Variants in PRPSAP2 observed in about 807,000 individuals in gnomAD.
The protein encoded by PRPSAP2 is phosphoribosyl pyrophosphate synthase-associated protein 2.
PRPSAP2 carries 24 observed loss-of-function variants against 40.6 expected under a neutral mutation model. The observed-to-expected ratio is 0.59, with a 90% CI of 0.43 to 0.83. PRPSAP2 has a LOEUF of 0.83. Ranked by LOEUF, PRPSAP2 falls within the 40% of genes least tolerant of loss-of-function variation. PRPSAP2 has a pLI of 0.00. For synonymous variants in PRPSAP2, 149 were observed against 164.7 expected (o/e 0.90, Z 0.73); for missense variants, 292 against 465.6 (o/e 0.63, Z 3.43).
chr17:18,900,075 T>TG (rs1379418307), intron 8 of PRPSAP2, among the ~76,000 whole-genome samples: 2 of 151,860 alleles, frequency 1.3e-5, no homozygotes, highest in African/African-American at 4.8e-5. Flanking sequence ...TTAGTAGAGA[T>TG]GGGGTTTCAC....
At chr17:18,886,987 A>G (rs1389602534) in intron 7 of PRPSAP2, among the ~76,000 whole-genome samples, 5 of 115,886 alleles carry the variant, frequency 4.3e-5, no homozygotes, top group Non-Finnish European at 8.1e-5. Context: ...CCCAGGCTGG[A>G]GTGCAGTGGC....
At position 18,923,762 on chromosome 17, in the gene PRPSAP2, G is replaced by A. The variant is rs550290917; in HGVS notation, c.734-152G>A. ...TCGGCCATAAAGTATCAAGTTAGCT[G>A]TGGGTTTTTGTAGTTGCCCTTAATC... is the stretch of plus-strand genomic sequence containing the variant. On this transcript the variant is annotated intron_variant, in intron 9 of 11. Coordinates refer to ENST00000268835, the MANE Select transcript of PRPSAP2 (RefSeq NM_002767.4). 5.5e-5 allele frequency: 37 copies of A among 668,254 alleles called. No homozygotes were observed. The East Asian group carries it at 9.9e-4, about 18-fold the overall frequency. The allele number at this position is 668,254 out of a possible 1,614,324, so 41.4% of individuals were successfully genotyped here.
At chr17:18,893,592 G>GAAA (rs59015171) in intron 8 of PRPSAP2, among the ~76,000 whole-genome samples, 41 of 148,086 alleles carry the variant, frequency 2.8e-4, no homozygotes, top group Admixed American at 6.1e-4. Flanking sequence ...TCGTTTTTAA[G>GAAA]AAAAAAAAAA....
chr17:18,882,638 C>T lies in PRPSAP2; in HGVS notation c.483C>T (p.Asp161=), dbSNP rs775217108. 4 of 1,604,980 alleles carry T rather than the reference C, an allele frequency of 2.5e-6. No individual in the cohort carries two copies. Among genetic ancestry groups the T allele is most frequent in the Non-Finnish European group, 3.4e-6 (4 of 1,171,758 alleles). ...AGGGCTTCTTCAATATTCCTGTTGA[C>T]AATTTAAGAGCATCTCCCTTCTTAT... ...EIQGFFNIPV[D]NLRASPFLLQ... Residue 161 remains aspartate (D), a synonymous_variant, in exon 7 of 12, where the codon GAC becomes GAT. Transcript: ENST00000268835.
At chr17:18,928,386 G>C (rs2042081582) in intron 10 of PRPSAP2, 3 of 208,240 alleles carry the variant, frequency 1.4e-5, no homozygotes, top group South Asian at 1.6e-4. Context: ...AAGAAGAAGT[G>C]GGGGGAAAGA....
intron 9 of PRPSAP2, among the ~76,000 whole-genome samples, chr17:18,921,711 G>A (rs1170152181): frequency 6.6e-6 from 1 of 152,114 alleles, no homozygotes; most frequent in African/African-American, 2.4e-5. Flanking sequence ...CAGTACGTAG[G>A]GTGGTCCCTT....
chr17:18,877,118 T>C lies in PRPSAP2; in HGVS notation c.240-580T>C, dbSNP rs150254428. Among the ~76,000 whole-genome samples, 259 of 152,218 alleles carry C rather than the reference T, an allele frequency of 1.7e-3. 1 individual carries two copies. Among genetic ancestry groups the C allele is most frequent in the African/African-American group, 6.1e-3 (253 of 41,544 alleles). ...GGAAGGAGGACACCAGAGAGGGGCA[T>C]TCTGGAAGCCAAGTGACCGTGGACA... On this transcript the variant is annotated intron_variant, in intron 5 of 11. Coordinates refer to ENST00000268835, the MANE Select transcript of PRPSAP2 (RefSeq NM_002767.4).
At chr17:18,871,756 G>A (rs2037897370) in intron 4 of PRPSAP2, among the ~76,000 whole-genome samples, 1 of 151,712 alleles carries the variant, frequency 6.6e-6, no homozygotes, top group Admixed American at 6.6e-5. Flanking sequence ...CGCCTCCTGG[G>A]TTCAAGCGAT....
intron 6 of PRPSAP2, among the ~76,000 whole-genome samples, chr17:18,880,981 A>G (rs1326362137): frequency 2.6e-5 from 4 of 151,774 alleles, no homozygotes; most frequent in Non-Finnish European, 5.9e-5. Context: ...TTACAGGCAC[A>G]TGCCACCACA....
intron 9 of PRPSAP2, 76 bp from the exon 10 acceptor site, chr17:18,923,837 TG>T: frequency 7.8e-7 from 1 of 1,278,614 alleles, no homozygotes; most frequent in South Asian, 1.5e-5. Context: ...GTTTTTATCT[TG>T]AGATATTAAC....
chr17:18,926,497 G>C (rs1455268236), intron 10 of PRPSAP2, among the ~76,000 whole-genome samples: 1 of 152,000 alleles, frequency 6.6e-6, no homozygotes, highest in Admixed American at 6.6e-5. Context: ...TCGAACTCCT[G>C]ACCTCGTGAT....
chr17:18,878,003 C>A, intron 6 of PRPSAP2, 133 bp downstream of exon 6: 1 of 938,572 alleles, frequency 1.1e-6, no homozygotes, highest in Non-Finnish European at 1.6e-6. Flanking sequence ...CTCACTGCAA[C>A]TTGAACTCCT....
intron 9 of PRPSAP2, among the ~76,000 whole-genome samples, chr17:18,912,428 C>T (rs369005657): frequency 6.6e-6 from 1 of 152,196 alleles, no homozygotes; most frequent in Non-Finnish European, 1.5e-5. Flanking sequence ...CACAAAAATT[C>T]AGACCATAGC....
chr17:18,917,569 A>ATTATTATTATTATTATTATTATT (rs2041400877), intron 9 of PRPSAP2: 1 of 30,104 alleles, frequency 3.3e-5, no homozygotes, highest in African/African-American at 1.1e-4. Flanking sequence ...TATTATTATT[A>ATTATTATTATTATTATTATTATT]TTATTATTAT....
chr17:18,886,616 C>G (rs2039164536), intron 7 of PRPSAP2, among the ~76,000 whole-genome samples: 1 of 152,084 alleles, frequency 6.6e-6, no homozygotes, highest in Admixed American at 6.6e-5. Context: ...CCTCAGCCTC[C>G]CAAAGTGCTG....
chr17:18,883,132 C>T (rs191595915), intron 7 of PRPSAP2, among the ~76,000 whole-genome samples: 5 of 152,310 alleles, frequency 3.3e-5, no homozygotes, highest in South Asian at 2.1e-4. Context: ...TGCCTCCTTC[C>T]ACCCTAGGGA....
chr17:18,881,527 C>T (rs377075785), intron 6 of PRPSAP2, among the ~76,000 whole-genome samples: 2 of 150,824 alleles, frequency 1.3e-5, no homozygotes, highest in Non-Finnish European at 3.0e-5. Context: ...CGTGAGCCAC[C>T]GTGTCCGGCC....
chr17:18,897,449 A>G (rs2039974850), intron 8 of PRPSAP2, among the ~76,000 whole-genome samples: 2 of 137,810 alleles, frequency 1.5e-5, no homozygotes, highest in Admixed American at 7.1e-5. Flanking sequence ...GCTTCTCTAT[A>G]GTGGTGTTGT....
intron 4 of PRPSAP2, 81 bp downstream of exon 4, chr17:18,867,415 G>A: frequency 2.0e-6 from 3 of 1,484,386 alleles, no homozygotes. Flanking sequence ...CTTTACTATT[G>A]AAACGATTTG....
Sources: allele counts gnomAD v4.1 joint callset (sites outside exome capture counted in the v4.1 genomes callset), GRCh38; gene constraint gnomAD v4.1.1; transcripts MANE v1.5; gene names NCBI Gene and HGNC (gene_info 2026-07-23, HGNC 2026-07-21).